Variants in ITGA9 observed in about 807,000 individuals in gnomAD.
The protein encoded by ITGA9 is integrin alpha-9.
ITGA9 carries 56 observed loss-of-function variants against 127.8 expected under a neutral mutation model. The ratio of observed to expected loss-of-function variants is 0.44; its 90% CI spans 0.35 to 0.55. The LOEUF is 0.55. ITGA9 is among the 20% of genes least tolerant of loss of function. The pLI, the probability that ITGA9 is intolerant of heterozygous loss-of-function variation, is 0.00. For missense variants in ITGA9, 1,196 were observed against 1,347.1 expected, an observed-to-expected ratio of 0.89 and a Z score of 1.76; for synonymous variants, 508 against 514.5, an observed-to-expected ratio of 0.99 and a Z score of 0.17.
chr3:37,736,038 A>T (rs1004471175), intron 19 of ITGA9, among the ~76,000 whole-genome samples: 2 of 152,172 alleles, frequency 1.3e-5, no homozygotes, highest in African/African-American at 2.4e-5. Context: ...AACCTTCTCT[A>T]TGTGTGCCCA....
At chr3:37,461,533 A>G (rs1698316579) in intron 1 of ITGA9, among the ~76,000 whole-genome samples, 1 of 152,004 alleles carries the variant, frequency 6.6e-6, no homozygotes, top group Admixed American at 6.5e-5. Flanking sequence ...GATTTATGAA[A>G]CCAATGGTCT....
At chr3:37,494,451 C>T in intron 4 of ITGA9, 50 bp from the exon 5 acceptor site, 1 of 1,320,540 alleles carries the variant, frequency 7.6e-7, no homozygotes, top group Non-Finnish European at 1.1e-6. Flanking sequence ...GCACAGCTGG[C>T]ATACACTGAC....
intron 16 of ITGA9, among the ~76,000 whole-genome samples, chr3:37,643,344 C>T (rs1220131178): frequency 6.6e-6 from 1 of 152,244 alleles, no homozygotes; most frequent in Non-Finnish European, 1.5e-5. Flanking sequence ...ATTCACCCTT[C>T]TCACTGACCA....
chr3:37,565,234 A>G (rs1423464862), intron 15 of ITGA9, among the ~76,000 whole-genome samples: 2 of 152,188 alleles, frequency 1.3e-5, no homozygotes, highest in Admixed American at 6.5e-5. Context: ...TTGTGGGTCC[A>G]TTACTTTCCC....
chr3:37,675,291 C>T (rs953132000), intron 17 of ITGA9, among the ~76,000 whole-genome samples: 1 of 152,188 alleles, frequency 6.6e-6, no homozygotes, highest in African/African-American at 2.4e-5. Flanking sequence ...ATGTGTTGCA[C>T]AGTTTCCCAG....
chr3:37,452,631 C>A lies in ITGA9; in HGVS notation c.185+72C>A. 1 of 1,312,554 alleles carries A rather than the reference C, an allele frequency of 7.6e-7. No individual in the cohort carries two copies. The allele number at this position is 1,312,554 out of a possible 1,614,324, so 81.3% of individuals were successfully genotyped here. ...CCCGGCCCCCAGGCCAGCGCCGCCG[C>A]CGCCTTTCCGGTCTCTTCCACGCCG... On this transcript the variant is annotated intron_variant, in intron 1 of 27. Transcript: ENST00000264741. The surrounding 1 kb of genome is among the most constrained non-coding windows in gnomAD (Gnocchi z 7.3).
At chr3:37,746,611 A>G (rs1320943348) in intron 22 of ITGA9, among the ~76,000 whole-genome samples, 1 of 152,190 alleles carries the variant, frequency 6.6e-6, no homozygotes, top group Non-Finnish European at 1.5e-5. Context: ...TGCTTACCCC[A>G]TTCATGCTTG....
intron 15 of ITGA9, among the ~76,000 whole-genome samples, chr3:37,582,174 A>G (rs1699715718): frequency 6.6e-6 from 1 of 152,234 alleles, no homozygotes; most frequent in East Asian, 1.9e-4. Flanking sequence ...TTTCATACTC[A>G]TGAAATTATT....
At chr3:37,468,827 G>A (rs1186140403) in intron 1 of ITGA9, among the ~76,000 whole-genome samples, 1 of 152,220 alleles carries the variant, frequency 6.6e-6, no homozygotes, top group Non-Finnish European at 1.5e-5. Context: ...CTTGTGAGGT[G>A]AATTCCCTCT....
At chr3:37,817,963 G>A (rs963945530) in intron 27 of ITGA9, among the ~76,000 whole-genome samples, 2 of 152,132 alleles carry the variant, frequency 1.3e-5, no homozygotes, top group Non-Finnish European at 2.9e-5. Context: ...GGGTTTGAGA[G>A]AAAGATGTAA....
intron 15 of ITGA9, among the ~76,000 whole-genome samples, chr3:37,561,209 T>G (rs1038120877): frequency 1.3e-5 from 2 of 152,202 alleles, no homozygotes; most frequent in Admixed American, 6.5e-5. Context: ...ATAGCCAAAA[T>G]GTTATTATTT....
At chr3:37,481,718 A>G (rs1415228290) in intron 4 of ITGA9, 111 bp downstream of exon 4, 9 of 1,396,154 alleles carry the variant, frequency 6.4e-6, no homozygotes, top group Non-Finnish European at 9.1e-6. Flanking sequence ...CCACATGCTC[A>G]TGATAGGGCA....
intron 27 of ITGA9, among the ~76,000 whole-genome samples, chr3:37,810,606 G>A (rs1203303848): frequency 6.6e-6 from 1 of 152,008 alleles, no homozygotes; most frequent in African/African-American, 2.4e-5. Flanking sequence ...AGTAGAGACA[G>A]GGTTTCACCA....
At chr3:37,548,376 T>C (rs1699348024) in intron 15 of ITGA9, among the ~76,000 whole-genome samples, 1 of 152,164 alleles carries the variant, frequency 6.6e-6, no homozygotes, top group Non-Finnish European at 1.5e-5. Context: ...AAGATCGTGG[T>C]TGTAGCGGTT....
intron 14 of ITGA9, among the ~76,000 whole-genome samples, chr3:37,537,381 G>A (rs1409209959): frequency 6.6e-6 from 1 of 152,152 alleles, no homozygotes; most frequent in Non-Finnish European, 1.5e-5. Context: ...CATATTAGCA[G>A]AGCCTCACAG....
At chr3:37,792,267 G>A (rs1697120490) in intron 26 of ITGA9, among the ~76,000 whole-genome samples, 1 of 152,240 alleles carries the variant, frequency 6.6e-6, no homozygotes, top group African/African-American at 2.4e-5. Flanking sequence ...GCCAGGCACT[G>A]TGCTAGGCAC....
intron 8 of ITGA9, among the ~76,000 whole-genome samples, chr3:37,512,154 CT>C (rs375324895): frequency 9.8e-4 from 16 of 16,278 alleles, no homozygotes; most frequent in East Asian, 9.1e-3. Flanking sequence ...CTTTTCTTTT[CT>C]TTTCTTTTCT....
At chr3:37,506,486 G>C (rs1197628718) in intron 7 of ITGA9, among the ~76,000 whole-genome samples, 1 of 152,130 alleles carries the variant, frequency 6.6e-6, no homozygotes, top group African/African-American at 2.4e-5. Flanking sequence ...TATCTTTGAG[G>C]CTTTATTCAT....
At chr3:37,668,598 T>A (rs1347751372) in intron 17 of ITGA9, among the ~76,000 whole-genome samples, 3 of 152,178 alleles carry the variant, frequency 2.0e-5, no homozygotes, top group Non-Finnish European at 4.4e-5. Flanking sequence ...TTGCCAATAA[T>A]CCTAGACTCA....
Sources: allele counts gnomAD v4.1 joint callset (sites outside exome capture counted in the v4.1 genomes callset), GRCh38; gene constraint gnomAD v4.1.1; non-coding constraint Gnocchi (gnomAD v3.1); transcripts MANE v1.5; gene names NCBI Gene and HGNC (gene_info 2026-07-23, HGNC 2026-07-21).